RABGEF1: variants seen among roughly 807,000 people sequenced by gnomAD.
RABGEF1 encodes the protein RAB guanine nucleotide exchange factor 1.
Under a neutral mutation model 57.3 loss-of-function variants are expected in RABGEF1, and 26 were observed. The observed-to-expected ratio is 0.45, with a 90% confidence interval of 0.33 to 0.63. The LOEUF (loss-of-function observed/expected upper bound fraction) is 0.63, where lower values mean the gene tolerates loss of function less well. Among genes scored for constraint, RABGEF1 ranks in the 20% least tolerant of loss-of-function variants. The pLI, the probability that RABGEF1 is intolerant of heterozygous loss-of-function variation, is 0.02. For missense variants in RABGEF1, 464 were observed against 607.6 expected (o/e 0.76, Z 2.48); for synonymous variants, 185 against 210.7 (o/e 0.88, Z 1.06).
intron 4 of RABGEF1, among the ~76,000 whole-genome samples, chr7:66,786,200 T>C (rs1811151281): frequency 6.6e-6 from 1 of 152,170 alleles, no homozygotes; most frequent in Non-Finnish European, 1.5e-5. Flanking sequence ...AGCATATGGG[T>C]CAAGTCTAGA....
chr7:66,657,712 T>C, the RABGEF1 span, among the ~76,000 whole-genome samples: 1 of 152,066 alleles, frequency 6.6e-6, no homozygotes, highest in South Asian at 2.1e-4. Context: ...TCCCAGCTAC[T>C]TGGGAGGCTG....
Position 66,746,365 on chromosome 7 carries a change from G to A in RABGEF1, c.-18+5573G>A, listed in dbSNP as rs1327867606. 1.4e-4 allele frequency among the ~76,000 whole-genome samples: 21 copies of A among 148,940 alleles called. No homozygotes were observed. The South Asian group carries it at 1.7e-3, about 12-fold the overall frequency. ...GTTGCCCAGGCTGGAGTGCAGTGGCGCGATCTTGGCTCACTGCAACCTCTG... is the reference window on the plus strand; with the variant it reads ...GTTGCCCAGGCTGGAGTGCAGTGGCACGATCTTGGCTCACTGCAACCTCTG... On this transcript the variant is annotated intron_variant, in intron 1 of 8. Coordinates refer to ENST00000284957, the MANE Select transcript of RABGEF1 (RefSeq NM_014504.3).
chr7:66,669,120 G>C, the RABGEF1 span: 1 of 152,468 alleles, frequency 6.6e-6, no homozygotes, highest in African/African-American at 2.4e-5. Context: ...TTCTTTCCTT[G>C]TGTGACTTGG....
the RABGEF1 span, among the ~76,000 whole-genome samples, chr7:66,677,127 A>G: frequency 6.6e-6 from 1 of 152,182 alleles, no homozygotes; most frequent in Admixed American, 6.6e-5. Context: ...ATCTAACTTC[A>G]TTCTTTTACA....
intron 2 of RABGEF1, chr7:66,773,939 T>G: frequency 5.0e-6 from 2 of 396,598 alleles, no homozygotes; most frequent in South Asian, 3.7e-5. Context: ...GTGCTGGGAT[T>G]ACAGGCGTGA....
exon 2 of RABGEF1, chr7:66,712,194 C>T (rs575585114): frequency 6.6e-6 from 1 of 152,196 alleles, no homozygotes; most frequent in African/African-American, 2.4e-5. Flanking sequence ...TGACATCCAA[C>T]CTGTATCAAG....
chr7:66,760,200 A>G (rs1803928795), intron 1 of RABGEF1, among the ~76,000 whole-genome samples: 1 of 151,858 alleles, frequency 6.6e-6, no homozygotes, highest in African/African-American at 2.4e-5. Context: ...TGCCTTCGAC[A>G]CTCTTAACCT....
chr7:66,688,402 A>G (rs2117093734), intron 1 of RABGEF1, among the ~76,000 whole-genome samples: 2 of 152,296 alleles, frequency 1.3e-5, no homozygotes, highest in South Asian at 4.1e-4. Flanking sequence ...ACAACATGAT[A>G]ATCCAACTAG....
chr7:66,767,947 C>T (rs1294095921), intron 1 of RABGEF1, among the ~76,000 whole-genome samples: 1 of 152,150 alleles, frequency 6.6e-6, no homozygotes. Context: ...GTACTGATAC[C>T]TGTTGTTGTT....
At chr7:66,735,711 C>T (rs537494376) in intron 2 of RABGEF1, among the ~76,000 whole-genome samples, 65 of 152,210 alleles carry the variant, frequency 4.3e-4, no homozygotes, top group African/African-American at 1.5e-3. Flanking sequence ...TTGCTATGGC[C>T]ATGTGAAGAC....
At chr7:66,670,348 T>C in the RABGEF1 span, among the ~76,000 whole-genome samples, 2 of 151,916 alleles carry the variant, frequency 1.3e-5, no homozygotes, top group East Asian at 3.9e-4. Context: ...AGTCTCATGC[T>C]GTCACCCAGG....
chr7:66,762,436 C>T (rs1228662233), intron 1 of RABGEF1, among the ~76,000 whole-genome samples: 1 of 151,858 alleles, frequency 6.6e-6, no homozygotes, highest in Non-Finnish European at 1.5e-5. Flanking sequence ...ACAAAAAATA[C>T]AAAACTTAGC....
chr7:66,694,881 G>A (rs901696760), intron 1 of RABGEF1, among the ~76,000 whole-genome samples: 1 of 152,194 alleles, frequency 6.6e-6, no homozygotes, highest in Non-Finnish European at 1.5e-5. Context: ...ACTTAGGGGT[G>A]TGTGGGCCTG....
chr7:66,745,849 C>T (rs1800100858), intron 1 of RABGEF1, among the ~76,000 whole-genome samples: 1 of 151,614 alleles, frequency 6.6e-6, no homozygotes, highest in Non-Finnish European at 1.5e-5. Flanking sequence ...AATACCAGTG[C>T]TTTGGGAGGC....
At chr7:66,715,138 C>T (rs980085225) in intron 2 of RABGEF1, among the ~76,000 whole-genome samples, 1 of 151,732 alleles carries the variant, frequency 6.6e-6, no homozygotes, top group Non-Finnish European at 1.5e-5. Flanking sequence ...CTTCTTTCTT[C>T]TTCTCCTGAG....
At chr7:66,799,721 C>T (rs1786842442) in intron 7 of RABGEF1, among the ~76,000 whole-genome samples, 1 of 151,756 alleles carries the variant, frequency 6.6e-6, no homozygotes, top group Non-Finnish European at 1.5e-5. Context: ...TTTTATTCAG[C>T]TGACTGTTCC....
chr7:66,695,087 G>T (rs1463097460), intron 1 of RABGEF1, among the ~76,000 whole-genome samples: 1 of 152,064 alleles, frequency 6.6e-6, no homozygotes, highest in Non-Finnish European at 1.5e-5. Context: ...CGAGGCGGGC[G>T]GATCACTTGA....
chr7:66,660,991 T>G, the RABGEF1 span, among the ~76,000 whole-genome samples: 5 of 151,878 alleles, frequency 3.3e-5, no homozygotes, highest in Admixed American at 1.3e-4. Flanking sequence ...TTTGGGAGAT[T>G]AAGGCAGGTG....
At chr7:66,728,467 T>G (rs566003895) in intron 2 of RABGEF1, among the ~76,000 whole-genome samples, 3 of 152,026 alleles carry the variant, frequency 2.0e-5, no homozygotes, top group South Asian at 4.1e-4. Flanking sequence ...TTGTTCCTGT[T>G]CCCACCATAA....
Sources: allele counts gnomAD v4.1 joint callset (sites outside exome capture counted in the v4.1 genomes callset), GRCh38; gene constraint gnomAD v4.1.1; transcripts MANE v1.5; gene names NCBI Gene and HGNC (gene_info 2026-07-23, HGNC 2026-07-21).